The following SPMIP3 variants were observed in gnomAD, a reference collection of about 807,000 sequenced individuals.
SPMIP3 encodes the protein sperm microtubule inner protein 3.
the SPMIP3 span, chr1:244,364,854 G>A: frequency 7.8e-7 from 1 of 1,284,870 alleles, no homozygotes; most frequent in Non-Finnish European, 1.1e-6. Context: ...GTGGTCCAGA[G>A]ACTACTGCCA....
the SPMIP3 span, among the ~76,000 whole-genome samples, chr1:244,365,499 G>A: frequency 6.6e-6 from 1 of 152,144 alleles, no homozygotes; most frequent in African/African-American, 2.4e-5. Flanking sequence ...TGCCATGATT[G>A]TGAGGCCTCC....
the SPMIP3 span, among the ~76,000 whole-genome samples, chr1:244,367,180 G>C: frequency 6.6e-6 from 1 of 151,862 alleles, no homozygotes; most frequent in African/African-American, 2.4e-5. Context: ...GCTGGGAGAA[G>C]GTTGGGACGG....
chr1:244,366,388 A>G, the SPMIP3 span, among the ~76,000 whole-genome samples: 6 of 151,874 alleles, frequency 4.0e-5, no homozygotes, highest in African/African-American at 1.5e-4. Context: ...ACTGTCTGGA[A>G]CTCCTGGCCT....
the SPMIP3 span, chr1:244,364,675 A>AT: frequency 2.4e-5 from 38 of 1,610,920 alleles, no homozygotes; most frequent in Non-Finnish European, 2.8e-5. Flanking sequence ...TTTATGCCAT[A>AT]ATTTTTTTTC....
At chr1:244,377,283 G>A in the SPMIP3 span, among the ~76,000 whole-genome samples, 4 of 151,904 alleles carry the variant, frequency 2.6e-5, no homozygotes, top group South Asian at 2.1e-4. Flanking sequence ...CACCATGCCC[G>A]ACTAATTCTT....
At chr1:244,377,208 G>A in the SPMIP3 span, among the ~76,000 whole-genome samples, 30 of 147,324 alleles carry the variant, frequency 2.0e-4, no homozygotes, top group African/African-American at 6.7e-4. Context: ...TGCAAGCTCC[G>A]CCCCCCGGGT....
At chr1:244,374,588 T>C in the SPMIP3 span, among the ~76,000 whole-genome samples, 5 of 30,044 alleles carry the variant, frequency 1.7e-4, no homozygotes, top group Admixed American at 3.9e-4. Context: ...CACATTTCTC[T>C]TTTTTTTTTT....
At chr1:244,361,307 G>T in the SPMIP3 span, among the ~76,000 whole-genome samples, 14 of 137,182 alleles carry the variant, frequency 1.0e-4, no homozygotes, top group Admixed American at 3.6e-4. Flanking sequence ...TCGGCTCACT[G>T]CAACCTCTGC....
At chr1:244,354,299 C>T in the SPMIP3 span, among the ~76,000 whole-genome samples, 1 of 151,446 alleles carries the variant, frequency 6.6e-6, no homozygotes, top group Non-Finnish European at 1.5e-5. Context: ...ATTAAATTTG[C>T]TAAGTAACTG....
the SPMIP3 span, among the ~76,000 whole-genome samples, chr1:244,374,940 TTTTA>T: frequency 2.6e-5 from 4 of 152,062 alleles, no homozygotes; most frequent in Non-Finnish European, 4.4e-5. Context: ...GCCCCATTGG[TTTTA>T]TTTATTTATT....
the SPMIP3 span, chr1:244,389,643 A>G: frequency 6.6e-6 from 1 of 152,042 alleles, no homozygotes; most frequent in South Asian, 2.1e-4. Context: ...GGGAGAGGAA[A>G]GAATCCCAAA....
At chr1:244,364,544 A>G in the SPMIP3 span, 1 of 667,106 alleles carries the variant, frequency 1.5e-6, no homozygotes, top group Non-Finnish European at 2.6e-6. Context: ...TCCTTCCCTA[A>G]ATAGCCTATA....
the SPMIP3 span, among the ~76,000 whole-genome samples, chr1:244,371,619 A>G: frequency 6.6e-6 from 1 of 152,224 alleles, no homozygotes; most frequent in Non-Finnish European, 1.5e-5. Context: ...TCTAAGGAGC[A>G]GCGCTGAGTT....
At chr1:244,356,935 T>G in the SPMIP3 span, among the ~76,000 whole-genome samples, 1 of 147,330 alleles carries the variant, frequency 6.8e-6, no homozygotes, top group Non-Finnish European at 1.5e-5. Context: ...TTTTTTTTTT[T>G]TTTTTGAGAC....
the SPMIP3 span, among the ~76,000 whole-genome samples, chr1:244,354,216 C>T: frequency 6.6e-6 from 1 of 152,150 alleles, no homozygotes; most frequent in Non-Finnish European, 1.5e-5. Context: ...CTCTAATATC[C>T]TTCCTCTGCC....
At chr1:244,381,385 T>C in the SPMIP3 span, among the ~76,000 whole-genome samples, 1 of 152,188 alleles carries the variant, frequency 6.6e-6, no homozygotes, top group Non-Finnish European at 1.5e-5. Context: ...TCCTCTGCTA[T>C]GAGATCTCAT....
At chr1:244,356,544 T>C in the SPMIP3 span, among the ~76,000 whole-genome samples, 1 of 152,176 alleles carries the variant, frequency 6.6e-6, no homozygotes, top group South Asian at 2.1e-4. Context: ...TGAACACCAA[T>C]GTGATAAAAA....
At chr1:244,367,574 C>T in the SPMIP3 span, among the ~76,000 whole-genome samples, 21 of 152,248 alleles carry the variant, frequency 1.4e-4, no homozygotes, top group East Asian at 7.7e-4. Context: ...GCAGGAAGAG[C>T]CGGAGCCGTC....
At chr1:244,361,034 G>A in the SPMIP3 span, among the ~76,000 whole-genome samples, 1 of 151,824 alleles carries the variant, frequency 6.6e-6, no homozygotes, top group South Asian at 2.1e-4. Flanking sequence ...TGAACTTGTC[G>A]AAGAAAAGGA....
Sources: allele counts gnomAD v4.1 joint callset (sites outside exome capture counted in the v4.1 genomes callset), GRCh38; gene constraint gnomAD v4.1.1; transcripts MANE v1.5; gene names NCBI Gene and HGNC (gene_info 2026-07-23, HGNC 2026-07-21).